CCNY: variants seen among roughly 807,000 people sequenced by gnomAD.
The protein encoded by CCNY is cyclin-Y.
Under a neutral mutation model 42.8 loss-of-function variants are expected in CCNY, and 19 were observed. That is an observed-to-expected ratio of 0.44 (90% CI 0.31 to 0.65). The LOEUF (loss-of-function observed/expected upper bound fraction) is 0.65. CCNY is among the 30% of genes least tolerant of loss of function. The pLI is 0.07. For missense variants in CCNY, 370 were observed against 437.3 expected, an observed-to-expected ratio of 0.85 and a Z score of 1.37; for synonymous variants, 165 against 162.7, an observed-to-expected ratio of 1.01 and a Z score of -0.11.
chr10:35,300,177 A>G (rs762531281), intron 3 of CCNY, among the ~76,000 whole-genome samples: 1 of 152,206 alleles, frequency 6.6e-6, no homozygotes, highest in African/African-American at 2.4e-5. Context: ...GAGGGCTCCC[A>G]TGTGGATTTC....
At chr10:35,396,193 A>T (rs184395883) in intron 1 of CCNY, among the ~76,000 whole-genome samples, 2 of 152,334 alleles carry the variant, frequency 1.3e-5, no homozygotes, top group African/African-American at 4.8e-5. Context: ...CTTTATACTC[A>T]TGGTGGTAGG....
chr10:35,258,643 C>T (rs1165135968), intron 3 of CCNY, among the ~76,000 whole-genome samples: 1 of 152,262 alleles, frequency 6.6e-6, no homozygotes, highest in East Asian at 1.9e-4. Flanking sequence ...TTGGTTCAAT[C>T]TGCCTTAGAA....
chr10:35,483,997 C>T (rs1839731545), intron 2 of CCNY, among the ~76,000 whole-genome samples: 1 of 151,976 alleles, frequency 6.6e-6, no homozygotes, highest in Admixed American at 6.6e-5. Flanking sequence ...GTAGATCGTA[C>T]CATCTTTATG....
chr10:35,335,663 G>C (rs1392937166), upstream of CCNY, among the ~76,000 whole-genome samples: 1 of 151,968 alleles, frequency 6.6e-6, no homozygotes, highest in Non-Finnish European at 1.5e-5. Context: ...TACCAGCCCG[G>C]GTTACGAAGC....
chr10:35,363,289 C>T (rs1171296229), intron 1 of CCNY, among the ~76,000 whole-genome samples: 2 of 150,966 alleles, frequency 1.3e-5, no homozygotes, highest in Non-Finnish European at 3.0e-5. Flanking sequence ...AGAGGCACTC[C>T]TCACTTCCCA....
intron 2 of CCNY, among the ~76,000 whole-genome samples, chr10:35,497,326 G>A (rs12355656): frequency 0.013 from 1,938 of 152,250 alleles, 24 homozygotes; most frequent in Middle Eastern, 0.034. Flanking sequence ...AATAGCTAAA[G>A]CATTTTGAAT....
Position 35,464,033 on chromosome 10 carries a change from G to A in CCNY, c.155-19371G>A, listed in dbSNP as rs571330940. Among the ~76,000 whole-genome samples, 5 of 152,310 alleles carry A rather than the reference G, an allele frequency of 3.3e-5. No individual in the cohort carries two copies. The South Asian group carries it at 8.3e-4, about 25-fold the overall frequency. ...TATCTTACTGAGCCTGGAGGAAAAGGTTCTAGGAAATGGGAAAGAGGAGCG... is the reference window on the plus strand; with the variant it reads ...TATCTTACTGAGCCTGGAGGAAAAGATTCTAGGAAATGGGAAAGAGGAGCG... On this transcript the variant is annotated intron_variant, in intron 1 of 9. Coordinates refer to ENST00000374704, the MANE Select transcript of CCNY (RefSeq NM_145012.6).
chr10:35,540,323 GTGAT>G (rs942110995), intron 7 of CCNY, among the ~76,000 whole-genome samples: 1 of 152,174 alleles, frequency 6.6e-6, no homozygotes, highest in Non-Finnish European at 1.5e-5. Context: ...TGCATCTATT[GTGAT>G]TGATCATGTA....
At chr10:35,408,314 A>G (rs1457045547) in intron 1 of CCNY, among the ~76,000 whole-genome samples, 12 of 152,334 alleles carry the variant, frequency 7.9e-5, no homozygotes, top group Admixed American at 7.8e-4. Flanking sequence ...GTGCATGTGA[A>G]GAGACCACAA....
chr10:35,363,760 G>A (rs1247923088), intron 1 of CCNY, among the ~76,000 whole-genome samples: 1 of 152,170 alleles, frequency 6.6e-6, no homozygotes, highest in Admixed American at 6.5e-5. Context: ...CTGGCACTGA[G>A]TAGGTATGAA....
intron 4 of CCNY, among the ~76,000 whole-genome samples, chr10:35,521,172 C>T (rs1840538283): frequency 6.6e-6 from 1 of 152,234 alleles, no homozygotes; most frequent in Non-Finnish European, 1.5e-5. Flanking sequence ...CATTTACTTC[C>T]TCCCCAGCTA....
chr10:35,400,623 C>T (rs985627229), intron 1 of CCNY, among the ~76,000 whole-genome samples: 1 of 152,200 alleles, frequency 6.6e-6, no homozygotes, highest in Non-Finnish European at 1.5e-5. Flanking sequence ...CCAGAGTTAT[C>T]TACTGTTCGT....
chr10:35,399,205 G>C (rs1013082688), intron 1 of CCNY, among the ~76,000 whole-genome samples: 1 of 152,200 alleles, frequency 6.6e-6, no homozygotes, highest in East Asian at 1.9e-4. Context: ...CACTTTGAAA[G>C]TGAGGGTGGC....
chr10:35,569,119 C>A lies in CCNY; in HGVS notation c.975C>A (p.Ala325=). 1 of 1,613,010 alleles carries A rather than the reference C, an allele frequency of 6.2e-7. No individual in the cohort carries two copies. The highest frequency in any genetic ancestry group is 1.1e-5 in the South Asian group (1 of 91,092). Residue 325 remains alanine (A), a synonymous_variant, in exon 10 of 10, where the codon GCC becomes GCA. Transcript: ENST00000374704. ...GAAGATCCGCGAGGAAGCGCTCAGC[C>A]AGTGCAGACAACCTGACTCTGCCCC... is the stretch of plus-strand genomic sequence containing the variant. ...DLRRSARKRS[A]SADNLTLPRW... is the part of the protein sequence containing the mutation.
At chr10:35,287,916 A>C (rs1173536960) in intron 3 of CCNY, among the ~76,000 whole-genome samples, 1 of 152,154 alleles carries the variant, frequency 6.6e-6, no homozygotes, top group Non-Finnish European at 1.5e-5. Flanking sequence ...TCGGCCTCCC[A>C]AAGTGGAAAA....
At chr10:35,438,628 T>G (rs1838596193) in intron 1 of CCNY, among the ~76,000 whole-genome samples, 1 of 152,224 alleles carries the variant, frequency 6.6e-6, no homozygotes, top group Non-Finnish European at 1.5e-5. Flanking sequence ...TTGTCGTAAA[T>G]GTTTCTCCTG....
chr10:35,253,417 T>A (rs1329191183), intron 3 of CCNY, among the ~76,000 whole-genome samples: 2 of 103,250 alleles, frequency 1.9e-5, no homozygotes, highest in African/African-American at 6.7e-5. Flanking sequence ...GCTCACTATT[T>A]TTTTTTTTTT....
rs1243553440 is a variant in CCNY, at chr10:35,569,831, C to T, written c.*661C>T. 1 of 152,854 alleles carries T rather than the reference C, an allele frequency of 6.5e-6. No individual in the cohort carries two copies. Among genetic ancestry groups the T allele is most frequent in the Non-Finnish European group, 1.5e-5 (1 of 68,148 alleles). 9.5% of individuals were successfully genotyped at this position (152,854 alleles called of 1,614,324 possible). ...TACACCCTTATTTTATACCGTTTTT[C>T]TTCAACAATGGCGAAATTGACTGTA... is the stretch of plus-strand genomic sequence containing the variant. On this transcript the variant is annotated 3_prime_UTR_variant, in exon 10 of 10. Coordinates refer to ENST00000374704, the MANE Select transcript of CCNY (RefSeq NM_145012.6).
intron 3 of CCNY, among the ~76,000 whole-genome samples, chr10:35,299,825 AT>A (rs1200541541): frequency 6.6e-6 from 1 of 151,644 alleles, no homozygotes; most frequent in African/African-American, 2.4e-5. Flanking sequence ...ATATGTTTTT[AT>A]TTTTTTCTTC....
Sources: gnomAD v4.1 joint callset for allele counts (sites outside exome capture counted in the v4.1 genomes callset) on GRCh38, gnomAD v4.1.1 for gene constraint, MANE v1.5 for transcripts, NCBI Gene and HGNC (gene_info 2026-07-23, HGNC 2026-07-21) for gene names.